The following CPA6 variants were observed in gnomAD, a reference collection of about 807,000 sequenced individuals.
CPA6 encodes the protein carboxypeptidase A6.
A neutral mutation model predicts 63.3 loss-of-function variants in CPA6; 58 were observed. The observed-to-expected ratio is 0.92, with a 90% CI of 0.74 to 1.14. The LOEUF (loss-of-function observed/expected upper bound fraction) is 1.14, where lower values mean the gene tolerates loss of function less well. Among genes scored for constraint, CPA6 ranks in the 50% most tolerant of loss-of-function variants. The pLI is 0.00. For synonymous variants in CPA6, 185 were observed against 179.0 expected (o/e 1.03, Z -0.27); for missense variants, 565 against 526.6 (o/e 1.07, Z -0.71).
intron 9 of CPA6, 89 bp downstream of exon 9, chr8:67,433,949 G>T: frequency 1.2e-6 from 1 of 844,596 alleles, no homozygotes; most frequent in Non-Finnish European, 2.0e-6. Context: ...ACAAACATGT[G>T]TTTGCCATTA....
chr8:67,509,599 T>C lies in CPA6; in HGVS notation c.452A>G (p.His151Arg). Reference protein sequence around the residue: ...SLEEIQNWMHHLNKTHSGLIH... With the variant: ...SLEEIQNWMHRLNKTHSGLIH... ...GAGGCCTGAGTGAGTTTTATTCAGATGATGCATCCAATTTTGAATCTAAGA... is the reference window on the plus strand; with the variant it reads ...GAGGCCTGAGTGAGTTTTATTCAGACGATGCATCCAATTTTGAATCTAAGA... The change falls in exon 5 of 11, where the codon CAT (histidine) becomes CGT (arginine). Residue 151 changes from histidine to arginine, a missense_variant. Coordinates refer to ENST00000297770, the MANE Select transcript of CPA6 (RefSeq NM_020361.5). 6.3e-7 allele frequency: 1 copy of C among 1,583,094 alleles called. No homozygotes were observed. Among genetic ancestry groups the C allele is most frequent in the South Asian group, 1.1e-5 (1 of 88,042 alleles).
intron 2 of CPA6, among the ~76,000 whole-genome samples, chr8:67,524,385 A>G (rs1412485005): frequency 2.0e-5 from 3 of 152,224 alleles, no homozygotes; most frequent in Non-Finnish European, 4.4e-5. Flanking sequence ...AGAGTCCAGA[A>G]GTCCAAAATC....
rs899620602 is a variant in CPA6 at position 67,634,152 on chromosome 8, C to A, written c.117-9901G>T. ...TAAACTTCAGATATTTCATTTTTTTCATTCCTTTCTCCAAGTCACTGGATT... is the reference window on the plus strand; with the variant it reads ...TAAACTTCAGATATTTCATTTTTTTAATTCCTTTCTCCAAGTCACTGGATT... On this transcript the variant is annotated intron_variant, in intron 1 of 10. Coordinates refer to ENST00000297770, the MANE Select transcript of CPA6 (RefSeq NM_020361.5). Among the ~76,000 whole-genome samples, 23 of 148,656 alleles carry A rather than the reference C, an allele frequency of 1.5e-4. 2 individuals are homozygous for A. Among genetic ancestry groups the A allele is most frequent in the African/African-American group, 5.5e-4 (22 of 40,046 alleles).
chr8:67,677,949 A>G (rs1177227687), intron 1 of CPA6, among the ~76,000 whole-genome samples: 1 of 152,106 alleles, frequency 6.6e-6, no homozygotes, highest in Non-Finnish European at 1.5e-5. Context: ...CAAAAAAGCT[A>G]ACCATAAAAA....
At chr8:67,710,942 T>TA (rs1169369494) in intron 1 of CPA6, among the ~76,000 whole-genome samples, 5 of 152,026 alleles carry the variant, frequency 3.3e-5, no homozygotes, top group African/African-American at 9.7e-5. Flanking sequence ...GTCTTAGTAA[T>TA]AAAAAAAATA....
At chr8:67,557,511 A>G (rs1813091026) in intron 2 of CPA6, among the ~76,000 whole-genome samples, 1 of 152,196 alleles carries the variant, frequency 6.6e-6, no homozygotes, top group Non-Finnish European at 1.5e-5. Flanking sequence ...TTCAATCTGC[A>G]GTTTTTCTTA....
intron 2 of CPA6, among the ~76,000 whole-genome samples, chr8:67,596,099 ATCTT>A (rs1814327177): frequency 6.6e-6 from 1 of 152,182 alleles, no homozygotes; most frequent in South Asian, 2.1e-4. Context: ...TTTCTCAACA[ATCTT>A]TAATTTTTGG....
intron 1 of CPA6, among the ~76,000 whole-genome samples, chr8:67,744,596 T>C (rs908738609): frequency 2.6e-5 from 4 of 152,138 alleles, no homozygotes; most frequent in South Asian, 2.1e-4. Flanking sequence ...TACACGTGTG[T>C]CTAAATCTGT....
At chr8:67,733,509 A>G (rs1817755403) in intron 1 of CPA6, among the ~76,000 whole-genome samples, 1 of 152,074 alleles carries the variant, frequency 6.6e-6, no homozygotes, top group Non-Finnish European at 1.5e-5. Context: ...CTGACACTCT[A>G]TCACCTTTCT....
chr8:67,467,833 T>C (rs1587458438), intron 8 of CPA6, among the ~76,000 whole-genome samples: 1 of 147,252 alleles, frequency 6.8e-6, no homozygotes, highest in Non-Finnish European at 1.5e-5. Flanking sequence ...TGAAAACCCA[T>C]CTCTATTAAA....
At chr8:67,733,811 G>C (rs558531699) in intron 1 of CPA6, among the ~76,000 whole-genome samples, 2 of 150,130 alleles carry the variant, frequency 1.3e-5, no homozygotes, top group Admixed American at 6.6e-5. Flanking sequence ...AGGAAGGATA[G>C]AAGCTGAGAT....
chr8:67,563,945 T>C (rs952384048), intron 2 of CPA6, among the ~76,000 whole-genome samples: 1 of 152,174 alleles, frequency 6.6e-6, no homozygotes, highest in African/African-American at 2.4e-5. Flanking sequence ...TGTAGCTCAT[T>C]GATAAGTTGC....
chr8:67,615,041 C>T lies in CPA6; in HGVS notation c.192+9135G>A, dbSNP rs35175308. On this transcript the variant is annotated intron_variant, in intron 2 of 10. Transcript: ENST00000297770. ...ATGTTAGTGAATTCTTTTAGGTTAT[C>T]GATACTCGTTTATAAGGTTGTGCCC... Among the ~76,000 whole-genome samples, 696 of 152,212 alleles carry T rather than the reference C, an allele frequency of 4.6e-3. 3 individuals are homozygous for T. The highest frequency in any genetic ancestry group is 6.8e-3 in the Middle Eastern group (2 of 292).
At chr8:67,624,313 T>C in intron 1 of CPA6, 62 bp from the exon 2 acceptor site, 2 of 880,106 alleles carry the variant, frequency 2.3e-6, no homozygotes, top group Non-Finnish European at 3.5e-6. Flanking sequence ...TAGTCATCTC[T>C]TTCTTACCTC....
chr8:67,746,228 G>A lies in CPA6; in HGVS notation c.-99C>T. The A allele has an allele frequency of 1.3e-6, 1 of 756,478 alleles. No homozygotes were observed. The allele number at this position is 756,478 out of a possible 1,614,324, so 46.9% of individuals were successfully genotyped here. A position where few individuals can be genotyped will look rare whatever the true frequency, so the allele number is the denominator to read the frequency against. On this transcript the variant is annotated 5_prime_UTR_variant, in exon 1 of 11. Coordinates refer to ENST00000297770, the MANE Select transcript of CPA6 (RefSeq NM_020361.5). ...ACACACCGCACAGGTTCTCCGGGAA[G>A]GGGGTGGGCGAGGAAGGTTGAGAGT...
intron 8 of CPA6, among the ~76,000 whole-genome samples, chr8:67,481,758 C>T (rs1354274204): frequency 6.6e-6 from 1 of 152,142 alleles, no homozygotes; most frequent in African/African-American, 2.4e-5. Flanking sequence ...AGAGTGATTC[C>T]CACATTGTAG....
intron 1 of CPA6, among the ~76,000 whole-genome samples, chr8:67,729,952 T>C (rs1817675852): frequency 6.6e-6 from 1 of 152,216 alleles, no homozygotes; most frequent in Non-Finnish European, 1.5e-5. Context: ...GTGGATGTGA[T>C]GTTGGAAAAG....
At chr8:67,608,735 C>T (rs1184976958) in intron 2 of CPA6, among the ~76,000 whole-genome samples, 1 of 152,192 alleles carries the variant, frequency 6.6e-6, no homozygotes, top group Non-Finnish European at 1.5e-5. Flanking sequence ...CAACAGCGCT[C>T]ACCCCAGCTC....
chr8:67,643,700 C>T (rs746172033), intron 1 of CPA6, among the ~76,000 whole-genome samples: 1 of 151,998 alleles, frequency 6.6e-6, no homozygotes, highest in Non-Finnish European at 1.5e-5. Flanking sequence ...GAGTGGTGGA[C>T]ATATAGGTGT....
Sources: gnomAD v4.1 joint callset for allele counts (sites outside exome capture counted in the v4.1 genomes callset) on GRCh38, gnomAD v4.1.1 for gene constraint, MANE v1.5 for transcripts, NCBI Gene and HGNC (gene_info 2026-07-23, HGNC 2026-07-21) for gene names.